Variants in MECR observed in about 807,000 individuals in gnomAD.
MECR encodes enoyl-[acyl-carrier-protein] reductase, mitochondrial.
Under a neutral mutation model 49.1 loss-of-function variants are expected in MECR, and 37 were observed. The ratio of observed to expected loss-of-function variants is 0.75; its 90% CI spans 0.58 to 0.99. The LOEUF (loss-of-function observed/expected upper bound fraction) is 0.99, where lower values mean the gene tolerates loss of function less well. MECR is among the 50% of genes least tolerant of loss of function. MECR has a pLI of 0.00. For synonymous variants in MECR, 198 were observed against 191.1 expected (o/e 1.04, Z -0.30); for missense variants, 470 against 479.6 (o/e 0.98, Z 0.19).
At chr1:29,221,795 A>G (rs1680844715) in intron 1 of MECR, among the ~76,000 whole-genome samples, 1 of 152,192 alleles carries the variant, frequency 6.6e-6, no homozygotes, top group East Asian at 1.9e-4. Flanking sequence ...GGAGAGTCGA[A>G]AAACTTATTC....
chr1:29,213,059 C>T (rs914025918), intron 3 of MECR, among the ~76,000 whole-genome samples: 4 of 152,260 alleles, frequency 2.6e-5, no homozygotes, highest in African/African-American at 7.2e-5. Context: ...TTTCTTAACG[C>T]TTTCCAAGAT....
chr1:29,208,846 A>G (rs552465682), intron 3 of MECR, among the ~76,000 whole-genome samples: 1 of 152,354 alleles, frequency 6.6e-6, no homozygotes, highest in South Asian at 2.1e-4. Context: ...AAGAGACAGG[A>G]ACATCAAGAG....
At chr1:29,216,554 G>C (rs764245601) in intron 2 of MECR, 34 bp downstream of exon 2, 23 of 1,600,890 alleles carry the variant, frequency 1.4e-5, no homozygotes, top group Non-Finnish European at 1.9e-5. Flanking sequence ...GAACAAAAAA[G>C]CCAATTAACA....
chr1:29,181,580 C>A, the MECR span: 1 of 1,372,490 alleles, frequency 7.3e-7, no homozygotes, highest in East Asian at 2.8e-5. Context: ...TCTCCCGTCC[C>A]CGCGGCCTCC....
At chr1:29,221,924 T>C (rs1680872446) in intron 1 of MECR, among the ~76,000 whole-genome samples, 1 of 152,120 alleles carries the variant, frequency 6.6e-6, no homozygotes, top group African/African-American at 2.4e-5. Flanking sequence ...AAAATGCCTA[T>C]GTGGAGGGTG....
At chr1:29,208,088 G>T (rs1264574933) in intron 3 of MECR, among the ~76,000 whole-genome samples, 1 of 152,070 alleles carries the variant, frequency 6.6e-6, no homozygotes, top group South Asian at 2.1e-4. Flanking sequence ...TGCCTCCTGG[G>T]TTCAAGCGAT....
At chr1:29,226,218 G>A (rs1181306771) in intron 1 of MECR, among the ~76,000 whole-genome samples, 4 of 150,726 alleles carry the variant, frequency 2.7e-5, no homozygotes, top group East Asian at 1.9e-4. Context: ...ATATGTCCAC[G>A]GGTTTCCAGC....
the MECR span, among the ~76,000 whole-genome samples, chr1:29,180,091 A>G: frequency 2.1e-3 from 320 of 152,310 alleles, 2 homozygotes; most frequent in African/African-American, 6.5e-3. Flanking sequence ...ATTATCTCTA[A>G]TCTTCCTTTT....
At chr1:29,197,868 AC>A (rs1674373527) in intron 7 of MECR, among the ~76,000 whole-genome samples, 1 of 152,160 alleles carries the variant, frequency 6.6e-6, no homozygotes, top group East Asian at 1.9e-4. Context: ...CCTCGTAACA[AC>A]CTTGTTTTAG....
the MECR span, among the ~76,000 whole-genome samples, chr1:29,177,720 A>C: frequency 6.6e-6 from 1 of 152,148 alleles, no homozygotes; most frequent in Non-Finnish European, 1.5e-5. Context: ...TCTCTAGAAC[A>C]GTGGCAATCT....
the MECR span, among the ~76,000 whole-genome samples, chr1:29,185,849 C>T: frequency 9.2e-5 from 14 of 152,192 alleles, no homozygotes; most frequent in Non-Finnish European, 2.1e-4. Context: ...CCAGGCATGG[C>T]GGTGCATGCC....
intron 1 of MECR, among the ~76,000 whole-genome samples, chr1:29,219,693 C>T (rs1680291421): frequency 6.6e-6 from 1 of 152,160 alleles, no homozygotes; most frequent in Non-Finnish European, 1.5e-5. Flanking sequence ...CATGTATTAT[C>T]TACATACCCA....
the MECR span, chr1:29,181,963 A>G: frequency 1.5e-5 from 6 of 394,604 alleles, no homozygotes; most frequent in South Asian, 6.5e-5. Context: ...AACCGGAGAG[A>G]GCGCGCGTTC....
chr1:29,230,549 G>A (rs529967101), intron 1 of MECR, 182 bp downstream of exon 1: 2 of 636,960 alleles, frequency 3.1e-6, no homozygotes, highest in South Asian at 4.1e-5. Context: ...TTGCCTCTCG[G>A]GTCTTCAGCT....
chr1:29,202,237 A>G (rs898114806), intron 5 of MECR, among the ~76,000 whole-genome samples, 192 bp from the exon 6 acceptor site: 1 of 152,180 alleles, frequency 6.6e-6, no homozygotes, highest in Non-Finnish European at 1.5e-5. Context: ...CTGTCTCCTC[A>G]CTGGCAACAG....
intron 1 of MECR, 175 bp downstream of exon 1, chr1:29,230,556 A>G (rs909091296): frequency 1.3e-5 from 9 of 672,358 alleles, no homozygotes; most frequent in Non-Finnish European, 2.2e-5. Context: ...TCGGGTCTTC[A>G]GCTACCTTCA....
chr1:29,210,212 CTG>C (rs1677639063), intron 3 of MECR, among the ~76,000 whole-genome samples: 1 of 152,140 alleles, frequency 6.6e-6, no homozygotes, highest in Non-Finnish European at 1.5e-5. Context: ...TGGGGTTTCA[CTG>C]TGTTAGCCAG....
chr1:29,216,191 C>G, intron 2 of MECR, 55 bp from the exon 3 acceptor site: 1 of 1,604,786 alleles, frequency 6.2e-7, no homozygotes, highest in Non-Finnish European at 8.5e-7. Context: ...AGTGAAAGAG[C>G]ATGGACTTGA....
chr1:29,189,384 G>A (rs1459149543), downstream of MECR, among the ~76,000 whole-genome samples: 1 of 141,242 alleles, frequency 7.1e-6, no homozygotes, highest in Non-Finnish European at 1.6e-5. Context: ...TCGTATTTTT[G>A]TAGAGATGGG....
Sources: gnomAD v4.1 joint callset for allele counts (sites outside exome capture counted in the v4.1 genomes callset) on GRCh38, gnomAD v4.1.1 for gene constraint, MANE v1.5 for transcripts, NCBI Gene and HGNC (gene_info 2026-07-23, HGNC 2026-07-21) for gene names.